The following PHLPP1 variants were observed in gnomAD, a reference collection of about 807,000 sequenced individuals.
The protein encoded by PHLPP1 is PH domain leucine-rich repeat-containing protein phosphatase 1.
Under a neutral mutation model 117.2 loss-of-function variants are expected in PHLPP1, and 42 were observed. The observed-to-expected ratio is 0.36, with a 90% CI of 0.28 to 0.46. PHLPP1 has a LOEUF of 0.46. Among genes scored for constraint, PHLPP1 ranks in the 20% least tolerant of loss-of-function variants. The pLI, the probability that PHLPP1 is intolerant of heterozygous loss-of-function variation, is 1.00. For missense variants in PHLPP1, 2,084 were observed against 2,241.9 expected (o/e 0.93, Z 1.42); for synonymous variants, 1,042 against 970.7 (o/e 1.07, Z -1.37).
chr18:62,785,697 T>C (rs145270623), intron 1 of PHLPP1, among the ~76,000 whole-genome samples: 54 of 152,326 alleles, frequency 3.5e-4, no homozygotes, highest in African/African-American at 9.9e-4. Context: ...AATTTTGGCA[T>C]TGTTCTTTTC....
At chr18:62,926,727 G>T (rs1437876900) in intron 10 of PHLPP1, among the ~76,000 whole-genome samples, 2 of 152,138 alleles carry the variant, frequency 1.3e-5, no homozygotes, top group African/African-American at 2.4e-5. Context: ...AAGCTCCCTA[G>T]AGAATTAGGA....
chr18:62,953,047 C>T (rs1008882361), intron 12 of PHLPP1, among the ~76,000 whole-genome samples: 9 of 152,164 alleles, frequency 5.9e-5, no homozygotes, highest in Non-Finnish European at 8.8e-5. Context: ...CAACATCCCA[C>T]GTTAGTGATC....
At chr18:62,964,204 G>T (rs1910844824) in intron 14 of PHLPP1, among the ~76,000 whole-genome samples, 1 of 152,148 alleles carries the variant, frequency 6.6e-6, no homozygotes, top group Admixed American at 6.5e-5. Flanking sequence ...TTGTAAGGAA[G>T]AACAGAAAGT....
At chr18:62,923,913 T>C (rs77614736) in intron 10 of PHLPP1, among the ~76,000 whole-genome samples, 3,129 of 152,322 alleles carry the variant, frequency 0.021, 45 homozygotes, top group South Asian at 0.055. Context: ...TGATTTGTTT[T>C]TGTTCACATG....
chr18:62,716,788 G>C lies in PHLPP1; in HGVS notation c.1105G>C (p.Gly369Arg), dbSNP rs1255955257. 1 of 1,525,906 alleles carries C rather than the reference G, an allele frequency of 6.6e-7. No homozygotes were observed. The highest frequency in any genetic ancestry group is 8.8e-7 in the Non-Finnish European group (1 of 1,142,082). The allele number at this position is 1,525,906 out of a possible 1,614,324, so 94.5% of individuals were successfully genotyped here. A position where few individuals can be genotyped will look rare whatever the true frequency, so the allele number is the denominator to read the frequency against. ...VSDRLDPYSS[G>R]GGSSSSSEEL... The stretch of plus-strand genomic sequence containing the variant: ...TGACCGGTTGGACCCCTACAGCAGC[G>C]GCGGCGGCTCCTCGTCGTCGTCGGA... Residue 369 changes from glycine to arginine, a missense_variant, in exon 1 of 17, where the codon GGC becomes CGC. By Grantham distance (125) the Gly-to-Arg change is moderately radical. Coordinates refer to ENST00000262719, the MANE Select transcript of PHLPP1 (RefSeq NM_194449.4). The surrounding 1 kb of genome is among the most constrained non-coding windows in gnomAD (Gnocchi z 5.7).
intron 4 of PHLPP1, among the ~76,000 whole-genome samples, chr18:62,885,429 A>T (rs908205380): frequency 1.2e-4 from 18 of 152,170 alleles, no homozygotes; most frequent in African/African-American, 3.6e-4. Flanking sequence ...TGGGAGGCTG[A>T]GGTGGGTGGA....
chr18:62,806,121 A>C (rs932532894), intron 1 of PHLPP1, among the ~76,000 whole-genome samples: 3 of 152,162 alleles, frequency 2.0e-5, no homozygotes, highest in Admixed American at 2.0e-4. Flanking sequence ...AGAATTTTAT[A>C]TCATATCCTT....
At position 62,945,206 on chromosome 18, in the gene PHLPP1, A is replaced by T. The variant is rs1910243286; in HGVS notation, c.3259A>T (p.Thr1087Ser). 1 of 1,613,206 alleles carries T rather than the reference A, an allele frequency of 6.2e-7. No homozygotes were observed. The highest frequency in any genetic ancestry group is 2.2e-5 in the East Asian group (1 of 44,824). ...TTIMNCRRMH[T>S]VIAHSNCIEV... ...GATCATGAATTGCAGGCGCATGCAC[A>T]CCGTGATTGCTCACTCCAACTGCAT... Residue 1087 changes from threonine to serine, a missense_variant, in exon 12 of 17, where the codon ACC (threonine) becomes TCC (serine). By Grantham distance (58) the Thr-to-Ser change is moderately conservative. Around this residue, in one of 2 missense-constraint regions of PHLPP1, gnomAD observed 1,365 missense variants for 1,605.9 expected, o/e 0.85. Transcript: ENST00000262719.
intron 1 of PHLPP1, among the ~76,000 whole-genome samples, chr18:62,750,039 C>T (rs971454262): frequency 1.3e-5 from 2 of 151,862 alleles, no homozygotes; most frequent in African/African-American, 4.8e-5. Context: ...AAACAAAAAA[C>T]AAAACAAAAC....
At chr18:62,825,803 C>T (rs540383199) in intron 1 of PHLPP1, among the ~76,000 whole-genome samples, 24 of 152,184 alleles carry the variant, frequency 1.6e-4, no homozygotes, top group African/African-American at 5.5e-4. Flanking sequence ...CACTATAATA[C>T]TCAGCTTTTT....
intron 4 of PHLPP1, among the ~76,000 whole-genome samples, chr18:62,892,061 CTTTCT>C (rs1415238616): frequency 7.6e-6 from 1 of 130,876 alleles, no homozygotes; most frequent in African/African-American, 3.0e-5. Context: ...TTTTCATTTT[CTTTCT>C]TTTCTTTCTT....
intron 4 of PHLPP1, among the ~76,000 whole-genome samples, chr18:62,881,572 G>A (rs1224844537): frequency 1.3e-5 from 2 of 152,136 alleles, no homozygotes; most frequent in Non-Finnish European, 2.9e-5. Context: ...TGTACCAGGA[G>A]GCATTTATGG....
In PHLPP1 at chr18:62,978,745, G is replaced by A; in HGVS notation, c.4468G>A (p.Val1490Met). 2 of 1,613,534 alleles carry A rather than the reference G, an allele frequency of 1.2e-6. No individual in the cohort carries two copies. Among genetic ancestry groups the A allele is most frequent in the South Asian group, 1.1e-5 (1 of 91,056 alleles). Residue 1490 changes from valine (V) to methionine (M), a missense_variant, in exon 17 of 17, where the codon GTG becomes ATG. By Grantham distance (21) the Val-to-Met change is conservative. Coordinates refer to ENST00000262719, the MANE Select transcript of PHLPP1 (RefSeq NM_194449.4). The surrounding 1 kb of genome is among the most constrained non-coding windows in gnomAD (Gnocchi z 7.0). ...CTCCACTTCTGAGATGAGCAGCGAG[G>A]TGGGGTCAACAGCCTCCGATGAGCC... is the stretch of plus-strand genomic sequence containing the variant. ...ELSTSEMSSEVGSTASDEPPP... is the reference protein window; with the variant it reads ...ELSTSEMSSEMGSTASDEPPP...
At chr18:62,721,559 G>A (rs192284035) in intron 1 of PHLPP1, among the ~76,000 whole-genome samples, 2 of 152,024 alleles carry the variant, frequency 1.3e-5, no homozygotes, top group East Asian at 3.9e-4. Context: ...AAAAAATCGA[G>A]TTGTCTTTTA....
chr18:62,826,700 T>C (rs373238299), intron 1 of PHLPP1, among the ~76,000 whole-genome samples: 35 of 152,226 alleles, frequency 2.3e-4, no homozygotes, highest in African/African-American at 8.4e-4. Flanking sequence ...GCCTTGAGTA[T>C]GTAATCAAGA....
intron 4 of PHLPP1, among the ~76,000 whole-genome samples, chr18:62,874,657 G>GCACA (rs71340125): frequency 5.7e-4 from 84 of 147,720 alleles, no homozygotes; most frequent in Middle Eastern, 6.9e-3. Context: ...ACGCACGCGC[G>GCACA]CACACACACA....
chr18:62,959,617 G>A (rs1013484933), intron 13 of PHLPP1, among the ~76,000 whole-genome samples: 16 of 152,074 alleles, frequency 1.1e-4, no homozygotes, highest in African/African-American at 3.9e-4. Context: ...TCATACATTA[G>A]TCATTATGCA....
At chr18:62,920,456 T>G (rs778628376) in intron 10 of PHLPP1, among the ~76,000 whole-genome samples, 5 of 152,244 alleles carry the variant, frequency 3.3e-5, no homozygotes, top group African/African-American at 9.6e-5. Flanking sequence ...AATTATCTTA[T>G]GATTCTCTGT....
At chr18:62,965,940 C>T (rs80005840) in intron 14 of PHLPP1, among the ~76,000 whole-genome samples, 7,030 of 151,252 alleles carry the variant, frequency 0.046, 313 homozygotes, top group East Asian at 0.2. Context: ...AGAAGGAAGA[C>T]GGAATAAAAT....
Sources: gnomAD v4.1 joint callset for allele counts (sites outside exome capture counted in the v4.1 genomes callset) on GRCh38, gnomAD v4.1.1 for gene constraint, gnomAD v4.1.1 regional missense constraint, Gnocchi (gnomAD v3.1) non-coding constraint, MANE v1.5 for transcripts, NCBI Gene and HGNC (gene_info 2026-07-23, HGNC 2026-07-21) for gene names.